TNFSF4: variants seen among roughly 807,000 people sequenced by gnomAD.
TNFSF4 encodes the protein TNF superfamily member 4, also known as tumor necrosis factor ligand superfamily member 4.
Under a neutral mutation model 7.3 loss-of-function variants are expected in TNFSF4, and 4 were observed. That is an observed-to-expected ratio of 0.55 (90% CI 0.27 to 1.25). The LOEUF is 1.25. TNFSF4 is among the 50% of genes most tolerant of loss of function. The pLI is 0.12. For synonymous variants in TNFSF4, 76 were observed against 83.7 expected, an observed-to-expected ratio of 0.91 and a Z score of 0.50; for missense variants, 181 against 208.8, an observed-to-expected ratio of 0.87 and a Z score of 0.82.
the TNFSF4 span, among the ~76,000 whole-genome samples, chr1:173,401,648 A>G: frequency 6.6e-6 from 1 of 152,156 alleles, no homozygotes; most frequent in African/African-American, 2.4e-5. Flanking sequence ...AGACTGAACT[A>G]CACCACTGGC....
the TNFSF4 span, among the ~76,000 whole-genome samples, chr1:173,217,748 T>C: frequency 6.6e-6 from 1 of 152,220 alleles, no homozygotes; most frequent in Admixed American, 6.5e-5. Flanking sequence ...TTTTTTGATA[T>C]GACTGCTACA....
chr1:173,250,627 G>T, the TNFSF4 span, among the ~76,000 whole-genome samples: 1 of 151,698 alleles, frequency 6.6e-6, no homozygotes, highest in East Asian at 1.9e-4. Flanking sequence ...GCCCGGCTAA[G>T]TTTTTGTATT....
the TNFSF4 span, among the ~76,000 whole-genome samples, chr1:173,448,057 T>C: frequency 6.6e-6 from 1 of 152,080 alleles, no homozygotes; most frequent in African/African-American, 2.4e-5. Flanking sequence ...TGGGATAAGG[T>C]TCAATTAATC....
the TNFSF4 span, among the ~76,000 whole-genome samples, chr1:173,279,156 G>A: frequency 6.6e-6 from 1 of 152,140 alleles, no homozygotes; most frequent in South Asian, 2.1e-4. Flanking sequence ...ATTTTGTATA[G>A]AAAGGACTTA....
chr1:173,413,103 A>C, the TNFSF4 span, among the ~76,000 whole-genome samples: 1 of 152,196 alleles, frequency 6.6e-6, no homozygotes, highest in Non-Finnish European at 1.5e-5. Flanking sequence ...GTATTTGCAG[A>C]AGATGAGGAA....
chr1:173,271,279 G>A, the TNFSF4 span, among the ~76,000 whole-genome samples: 3 of 152,068 alleles, frequency 2.0e-5, no homozygotes, highest in Non-Finnish European at 4.4e-5. Context: ...TATGGTTTTA[G>A]GTCTAACATT....
At chr1:173,359,078 G>A in the TNFSF4 span, among the ~76,000 whole-genome samples, 4 of 152,094 alleles carry the variant, frequency 2.6e-5, no homozygotes, top group Non-Finnish European at 5.9e-5. Flanking sequence ...CATTCTCCAG[G>A]ATAAAATTGA....
the TNFSF4 span, among the ~76,000 whole-genome samples, chr1:173,320,988 C>T: frequency 2.6e-5 from 4 of 152,262 alleles, no homozygotes; most frequent in Non-Finnish European, 4.4e-5. Context: ...CTTTAAATTT[C>T]GTATGGAACC....
At chr1:173,230,025 A>G in the TNFSF4 span, among the ~76,000 whole-genome samples, 1 of 152,250 alleles carries the variant, frequency 6.6e-6, no homozygotes, top group African/African-American at 2.4e-5. Context: ...ACAGGTCAAC[A>G]AGACAGAAAG....
At chr1:173,183,588 A>G (rs1649099647), downstream of TNFSF4, 1 of 152,184 alleles carries the variant, frequency 6.6e-6, no homozygotes, top group African/African-American at 2.4e-5. Flanking sequence ...CACCTCAACC[A>G]TCCCTCAGAT....
chr1:173,304,210 A>G, the TNFSF4 span, among the ~76,000 whole-genome samples: 1 of 151,970 alleles, frequency 6.6e-6, no homozygotes, highest in Non-Finnish European at 1.5e-5. Flanking sequence ...TTTCATTTCC[A>G]TAGAACTTGT....
the TNFSF4 span, among the ~76,000 whole-genome samples, chr1:173,390,591 C>CA: frequency 2.0e-5 from 3 of 152,134 alleles, no homozygotes; most frequent in African/African-American, 7.2e-5. Context: ...AAGTGTAGGT[C>CA]CCCTAAGACA....
At chr1:173,302,181 G>A in the TNFSF4 span, among the ~76,000 whole-genome samples, 1 of 151,834 alleles carries the variant, frequency 6.6e-6, no homozygotes, top group Non-Finnish European at 1.5e-5. Context: ...TGCATTCATA[G>A]GGCTGACATA....
the TNFSF4 span, among the ~76,000 whole-genome samples, chr1:173,230,311 A>G: frequency 6.6e-6 from 1 of 152,224 alleles, no homozygotes. Context: ...AAACTGAACA[A>G]CCTGCTCCTG....
At chr1:173,366,265 A>G in the TNFSF4 span, among the ~76,000 whole-genome samples, 2 of 152,230 alleles carry the variant, frequency 1.3e-5, no homozygotes, top group African/African-American at 4.8e-5. Context: ...AAAATGTGGT[A>G]TTAATACATA....
At chr1:173,360,239 C>T in the TNFSF4 span, among the ~76,000 whole-genome samples, 1 of 152,348 alleles carries the variant, frequency 6.6e-6, no homozygotes, top group African/African-American at 2.4e-5. Context: ...ATGAAACAGA[C>T]ACCTTTTCTC....
chr1:173,252,863 G>A, the TNFSF4 span, among the ~76,000 whole-genome samples: 7 of 152,152 alleles, frequency 4.6e-5, no homozygotes, highest in African/African-American at 1.7e-4. Context: ...TTATACTTAC[G>A]ATGTATTTAA....
the TNFSF4 span, among the ~76,000 whole-genome samples, chr1:173,248,812 G>A: frequency 1.2e-3 from 181 of 152,294 alleles, 2 homozygotes; most frequent in South Asian, 0.024. Flanking sequence ...GAAGCCATTC[G>A]ATAGCTAACT....
chr1:173,347,974 T>C, the TNFSF4 span, among the ~76,000 whole-genome samples: 12 of 152,340 alleles, frequency 7.9e-5, no homozygotes, highest in East Asian at 1.7e-3. Flanking sequence ...TCACTCCTAG[T>C]TGAGAATCAC....
Sources: allele counts gnomAD v4.1 joint callset (sites outside exome capture counted in the v4.1 genomes callset), GRCh38; gene constraint gnomAD v4.1.1; transcripts MANE v1.5; gene names NCBI Gene and HGNC (gene_info 2026-07-23, HGNC 2026-07-21).